SPRY3: variants seen among roughly 807,000 people sequenced by gnomAD.
SPRY3 encodes the protein sprouty RTK signaling antagonist 3, also known as protein sprouty homolog 3.
A neutral mutation model predicts 20.2 loss-of-function variants in SPRY3; 15 were observed. The observed-to-expected ratio is 0.74, with a 90% CI of 0.50 to 1.14. The LOEUF (loss-of-function observed/expected upper bound fraction) is 1.14. Ranked by LOEUF, SPRY3 falls within the 50% of genes most tolerant of loss-of-function variation. SPRY3 has a pLI of 0.00. For missense variants in SPRY3, 364 were observed against 363.9 expected (o/e 1.00, Z 0.00); for synonymous variants, 143 against 136.5 (o/e 1.05, Z -0.33).
rs760897540 is a variant in SPRY3 at position 155,728,644 on chromosome X, G to T, written c.-281-39318G>T. Among the ~76,000 whole-genome samples, 7 of 152,334 alleles carry T rather than the reference G, an allele frequency of 4.6e-5. No individual in the cohort carries two copies. The East Asian group carries it at 1.2e-3, about 25-fold the overall frequency. On this transcript the variant is annotated intron_variant, in intron 2 of 3. Transcript: ENST00000675360. ...GGTATGGGAGAGAATCTCCTGGTCT[G>T]CCAGTTGCTAAGACCATGGGAAAAG...
chrX:155,715,518 T>C (rs973146771), intron 2 of SPRY3, among the ~76,000 whole-genome samples: 6 of 152,132 alleles, frequency 3.9e-5, no homozygotes, highest in African/African-American at 1.4e-4. Flanking sequence ...CTTTCTGAGT[T>C]GTGAGCTGCA....
At chrX:155,773,679 G>T (rs2091398520) in intron 3 of SPRY3, 87 bp from the exon 3 acceptor site, 6 of 624,236 alleles carry the variant, frequency 9.6e-6, no homozygotes, top group Non-Finnish European at 8.5e-6. Context: ...AGGTAGTGGT[G>T]GTGATAGGGC....
chrX:155,740,830 C>A (rs913961295), intron 2 of SPRY3, among the ~76,000 whole-genome samples: 1 of 152,080 alleles, frequency 6.6e-6, no homozygotes. Flanking sequence ...TGTTCATACA[C>A]CCCCTCCCCT....
intron 2 of SPRY3, among the ~76,000 whole-genome samples, chrX:155,739,180 C>T (rs1346982494): frequency 5.3e-5 from 8 of 152,298 alleles, no homozygotes; most frequent in East Asian, 1.9e-4. Flanking sequence ...GCTGCTGTGC[C>T]GGATCATGGC....
At chrX:155,710,179 T>C (rs2090976641) in intron 2 of SPRY3, among the ~76,000 whole-genome samples, 1 of 144,288 alleles carries the variant, frequency 6.9e-6, no homozygotes, top group Non-Finnish European at 1.5e-5. Context: ...TTAGAATTGC[T>C]TTTTTTTATT....
intron 2 of SPRY3, among the ~76,000 whole-genome samples, chrX:155,752,728 G>T (rs943584254): frequency 6.6e-6 from 1 of 151,708 alleles, no homozygotes; most frequent in Non-Finnish European, 1.5e-5. Context: ...GATAGAAAAA[G>T]GTTGAGAAAT....
chrX:155,777,977 T>G (rs955504745), downstream of SPRY3: 4 of 167,014 alleles, frequency 2.4e-5, no homozygotes, highest in Non-Finnish European at 5.9e-5. Context: ...GCTTACTATA[T>G]GCTAAGCACT....
At chrX:155,751,955 AAATAAAATAAAAT>A (rs1444081532) in intron 2 of SPRY3, among the ~76,000 whole-genome samples, 4 of 147,444 alleles carry the variant, frequency 2.7e-5, no homozygotes, top group Non-Finnish European at 6.0e-5. Flanking sequence ...AAATAAAATA[AAATAAAATAAAAT>A]AAAATAAAAT....
exon 2 of SPRY3, chrX:155,781,935 C>T (rs779737604): frequency 1.9e-4 from 31 of 167,040 alleles, no homozygotes; most frequent in African/African-American, 7.5e-4. Flanking sequence ...AAAGGTCATA[C>T]ATTTTTCTCT....
chrX:155,774,549 C>G, exon 4 of SPRY3: 1 of 1,614,016 alleles, frequency 6.2e-7, no homozygotes, highest in Non-Finnish European at 8.5e-7. Context: ...CAGCCATGAG[C>G]CTCATCTCCC....
At chrX:155,674,301 G>A (rs2068053015) in intron 2 of SPRY3, among the ~76,000 whole-genome samples, 1 of 109,307 alleles carries the variant, frequency 9.1e-6, no homozygotes, top group African/African-American at 3.3e-5. Flanking sequence ...GAACCAGTGT[G>A]ACAAAGACAA....
Position 155,774,793 on chromosome X carries a change from C to T in SPRY3, c.*55C>T. The T allele has an allele frequency of 1.9e-6, 3 of 1,543,470 alleles. No individual in the cohort carries two copies. In the Admixed American group the frequency reaches 5.7e-5, roughly 30 times the overall value. On this transcript the variant is annotated 3_prime_UTR_variant, in exon 4 of 4. Transcript: ENST00000675360. Reference sequence around the variant, plus strand: ...CTCCTTCGAGTCCCCAACAGCAAAGCATAGGCCTCATCTTTGGAGAGGGGG... The same window carrying T: ...CTCCTTCGAGTCCCCAACAGCAAAGTATAGGCCTCATCTTTGGAGAGGGGG...
chrX:155,775,097 G>A (rs887681582), exon 4 of SPRY3: 40 of 315,576 alleles, frequency 1.3e-4, no homozygotes, highest in Non-Finnish European at 1.2e-4. Context: ...GGCTCTGATC[G>A]TCACTCTGTT....
rs146168944 is a variant in SPRY3, at chrX:155,616,878, G to A, written c.-441+4231G>A. 1.7e-3 allele frequency among the ~76,000 whole-genome samples: 192 copies of A among 110,728 alleles called. 1 individual carries two copies. The Middle Eastern group carries it at 0.018, about 11-fold the overall frequency. ...TTTATTAGTACCCATGTTAATAGGG[G>A]TGGGAAAGTTAAAACCGTCCAGTAA... On this transcript the variant is annotated intron_variant, in intron 1 of 3. Transcript: ENST00000675360.
chrX:155,773,926 C>G, exon 4 of SPRY3: 1 of 1,613,974 alleles, frequency 6.2e-7, no homozygotes, highest in Non-Finnish European at 8.5e-7. Flanking sequence ...TGAACAGCTG[C>G]GCTCTACTCA....
downstream of SPRY3, chrX:155,780,547 T>G (rs2091457211): frequency 6.0e-6 from 1 of 167,018 alleles, no homozygotes; most frequent in African/African-American, 2.4e-5. Flanking sequence ...TATATGCATT[T>G]CTTTATATAG....
intron 2 of SPRY3, among the ~76,000 whole-genome samples, chrX:155,734,122 C>T (rs746935435): frequency 6.6e-6 from 1 of 152,184 alleles, no homozygotes; most frequent in East Asian, 1.9e-4. Context: ...ACAACTTGGC[C>T]GGTTGGCACA....
At chrX:155,768,223 G>A (rs752755754) in intron 3 of SPRY3, 87 bp downstream of exon 2, 3 of 78,532 alleles carry the variant, frequency 3.8e-5, no homozygotes, top group East Asian at 7.7e-4. Flanking sequence ...ATCCTGTGCT[G>A]TCTCTGTGTG....
chrX:155,697,629 TA>T (rs1258427503), intron 2 of SPRY3, among the ~76,000 whole-genome samples: 1 of 108,184 alleles, frequency 9.2e-6, no homozygotes, highest in Non-Finnish European at 1.9e-5. Flanking sequence ...GCATTGTAGG[TA>T]GGGGTGTGTG....
Sources: gnomAD v4.1 joint callset for allele counts (sites outside exome capture counted in the v4.1 genomes callset) on GRCh38, gnomAD v4.1.1 for gene constraint, MANE v1.5 for transcripts, NCBI Gene and HGNC (gene_info 2026-07-23, HGNC 2026-07-21) for gene names.